The following KIAA1328 variants were observed in gnomAD, a reference collection of about 807,000 sequenced individuals.
KIAA1328 encodes the protein protein hinderin.
KIAA1328 carries 52 observed loss-of-function variants against 68.1 expected under a neutral mutation model. The observed-to-expected ratio is 0.76, with a 90% CI of 0.61 to 0.96. The LOEUF (loss-of-function observed/expected upper bound fraction) is 0.96. Ranked by LOEUF, KIAA1328 falls within the 40% of genes least tolerant of loss-of-function variation. The probability of loss-of-function intolerance (pLI) is 0.00; values close to 1 mark genes in which losing one functional copy is unlikely to be tolerated. For synonymous variants in KIAA1328, 232 were observed against 239.4 expected (o/e 0.97, Z 0.28); for missense variants, 641 against 677.6 (o/e 0.95, Z 0.60).
rs1243246322 is a variant in KIAA1328, at chr18:37,150,263, A to G, written c.1233-9937A>G. ...CAGCCTTGGTACTATTGATGTTTCA[A>G]TGAGATAATTATTTGTTGTGAGAGG... On this transcript the variant is annotated intron_variant, in intron 7 of 9. Coordinates refer to ENST00000280020, the MANE Select transcript of KIAA1328 (RefSeq NM_020776.3). 5.3e-5 allele frequency among the ~76,000 whole-genome samples: 8 copies of G among 152,268 alleles called. No homozygotes were observed. The South Asian group carries it at 6.2e-4, about 12-fold the overall frequency.
chr18:36,962,433 A>T (rs780683886), intron 6 of KIAA1328, among the ~76,000 whole-genome samples: 2 of 152,208 alleles, frequency 1.3e-5, no homozygotes, highest in Non-Finnish European at 2.9e-5. Context: ...GTTAACAAGG[A>T]TATCCAGCAC....
At chr18:36,877,449 T>A (rs762976606) in intron 4 of KIAA1328, among the ~76,000 whole-genome samples, 13 of 152,014 alleles carry the variant, frequency 8.6e-5, no homozygotes, top group Non-Finnish European at 1.8e-4. Context: ...TTTTTGATCT[T>A]TGTTGGTTTA....
intron 4 of KIAA1328, among the ~76,000 whole-genome samples, chr18:36,869,138 C>T (rs1488459221): frequency 1.3e-5 from 2 of 149,650 alleles, no homozygotes; most frequent in African/African-American, 4.9e-5. Context: ...TAATGGATTA[C>T]ATAGAAAATT....
chr18:36,857,373 T>G (rs972545101), intron 4 of KIAA1328, among the ~76,000 whole-genome samples: 1 of 152,184 alleles, frequency 6.6e-6, no homozygotes, highest in Non-Finnish European at 1.5e-5. Flanking sequence ...CAGACAATGC[T>G]TGGAAATCTG....
intron 5 of KIAA1328, among the ~76,000 whole-genome samples, chr18:36,911,365 A>C (rs1457571053): frequency 6.6e-6 from 1 of 152,138 alleles, no homozygotes; most frequent in Non-Finnish European, 1.5e-5. Flanking sequence ...TAGCCATCAA[A>C]AGGCATGACA....
chr18:36,858,529 C>T (rs375337935), intron 4 of KIAA1328, among the ~76,000 whole-genome samples: 1 of 152,102 alleles, frequency 6.6e-6, no homozygotes. Flanking sequence ...TGTTAATTAG[C>T]CTATCAACTT....
At chr18:37,230,269 C>T (rs2060658845), downstream of KIAA1328, 2 of 152,246 alleles carry the variant, frequency 1.3e-5, no homozygotes, top group South Asian at 4.1e-4. Flanking sequence ...TCTGCACATA[C>T]TGCACAAGGC....
chr18:37,043,484 A>G (rs1463944567), intron 6 of KIAA1328, among the ~76,000 whole-genome samples: 1 of 152,182 alleles, frequency 6.6e-6, no homozygotes, highest in Non-Finnish European at 1.5e-5. Context: ...ACATATGTCC[A>G]CTGATGTCAC....
chr18:36,848,469 G>A (rs1196126510), intron 4 of KIAA1328, among the ~76,000 whole-genome samples: 3 of 140,762 alleles, frequency 2.1e-5, no homozygotes, highest in Non-Finnish European at 3.1e-5. Context: ...AGAATCCTTT[G>A]GATTTTGTGC....
chr18:37,139,622 T>A (rs1014563273), intron 7 of KIAA1328, among the ~76,000 whole-genome samples: 2 of 152,208 alleles, frequency 1.3e-5, no homozygotes, highest in Admixed American at 1.3e-4. Flanking sequence ...GCTAGATTGA[T>A]TTATTGAGAT....
At chr18:36,882,544 G>A (rs1223927436) in intron 4 of KIAA1328, among the ~76,000 whole-genome samples, 2 of 152,034 alleles carry the variant, frequency 1.3e-5, no homozygotes, top group African/African-American at 4.8e-5. Flanking sequence ...AAAAAATGTT[G>A]CTCTTTGTTC....
At chr18:37,117,883 A>ATATAT (rs1158262639) in intron 7 of KIAA1328, among the ~76,000 whole-genome samples, 6 of 139,194 alleles carry the variant, frequency 4.3e-5, no homozygotes, top group African/African-American at 1.4e-4. Context: ...GTTTAAAAAA[A>ATATAT]AAAAATATAT....
At chr18:37,117,386 G>A (rs550812366) in intron 7 of KIAA1328, among the ~76,000 whole-genome samples, 84 of 152,182 alleles carry the variant, frequency 5.5e-4, no homozygotes, top group African/African-American at 1.8e-3. Context: ...GCAAACTATC[G>A]CAAGGACAGG....
intron 5 of KIAA1328, among the ~76,000 whole-genome samples, chr18:36,945,779 CTT>C (rs1367680177): frequency 6.6e-6 from 1 of 152,098 alleles, no homozygotes; most frequent in African/African-American, 2.4e-5. Context: ...AGATGAGTAT[CTT>C]TTTGGAAATA....
chr18:36,937,847 G>A (rs2151172660), intron 5 of KIAA1328, among the ~76,000 whole-genome samples: 1 of 151,958 alleles, frequency 6.6e-6, no homozygotes, highest in East Asian at 1.9e-4. Context: ...GCTCCCATAT[G>A]TGAGAATGTG....
intron 6 of KIAA1328, among the ~76,000 whole-genome samples, chr18:36,991,022 G>A (rs1306477001): frequency 2.0e-5 from 3 of 151,970 alleles, no homozygotes; most frequent in Non-Finnish European, 4.4e-5. Context: ...CATCATTCTT[G>A]TCTGTTCTTC....
intron 7 of KIAA1328, among the ~76,000 whole-genome samples, chr18:37,112,302 G>A (rs752496491): frequency 9.9e-5 from 15 of 152,264 alleles, no homozygotes; most frequent in African/African-American, 2.9e-4. Context: ...TCATACAGTC[G>A]GGTGCCCCTC....
intron 5 of KIAA1328, among the ~76,000 whole-genome samples, chr18:36,919,189 A>G (rs1351832204): frequency 1.3e-5 from 2 of 152,150 alleles, no homozygotes; most frequent in Admixed American, 6.5e-5. Context: ...ATACTTGTTA[A>G]TACTTCTCAT....
At chr18:37,022,406 C>T (rs547416407) in intron 6 of KIAA1328, among the ~76,000 whole-genome samples, 1 of 152,216 alleles carries the variant, frequency 6.6e-6, no homozygotes, top group South Asian at 2.1e-4. Flanking sequence ...AGAATTATGG[C>T]TTTAAAAGGA....
Sources: gnomAD v4.1 joint callset for allele counts (sites outside exome capture counted in the v4.1 genomes callset) on GRCh38, gnomAD v4.1.1 for gene constraint, MANE v1.5 for transcripts, NCBI Gene and HGNC (gene_info 2026-07-23, HGNC 2026-07-21) for gene names.